LRMDA: variants seen among roughly 807,000 people sequenced by gnomAD.
LRMDA encodes the protein leucine rich melanocyte differentiation associated, also known as leucine-rich melanocyte differentiation-associated protein.
A neutral mutation model predicts 29.8 loss-of-function variants in LRMDA; 18 were observed. The observed-to-expected ratio is 0.60, with a 90% CI of 0.42 to 0.90. LRMDA has a LOEUF of 0.90. Ranked by LOEUF, LRMDA falls within the 40% of genes least tolerant of loss-of-function variation. The probability of loss-of-function intolerance (pLI) is 0.00; values close to 1 mark genes in which losing one functional copy is unlikely to be tolerated. For synonymous variants in LRMDA, 125 were observed against 109.4 expected (o/e 1.14, Z -0.89); for missense variants, 273 against 273.9 (o/e 1.00, Z 0.02).
chr10:76,503,366 C>G (rs1842930367), intron 6 of LRMDA, among the ~76,000 whole-genome samples: 1 of 151,730 alleles, frequency 6.6e-6, no homozygotes, highest in South Asian at 2.1e-4. Flanking sequence ...CCCCTCATCC[C>G]TGATTTTTTA....
rs192054697 is a variant in LRMDA, at chr10:76,246,512, T to C, written c.517-77889T>C. On this transcript the variant is annotated intron_variant, in intron 5 of 6. Transcript: ENST00000611255. Reference sequence around the variant, plus strand: ...AGGCAGATATTTTTGGAGCATGTCTTCCCTGGGGCAAGCAAGTGCTTGGAA... The same window carrying C: ...AGGCAGATATTTTTGGAGCATGTCTCCCCTGGGGCAAGCAAGTGCTTGGAA... Among the ~76,000 whole-genome samples the C allele has an allele frequency of 3.7e-3, 565 of 151,160 alleles. 2 individuals are homozygous for C. The highest frequency in any genetic ancestry group is 0.013 in the African/African-American group (521 of 41,212).
chr10:76,049,202 C>T (rs1848491139), intron 4 of LRMDA, among the ~76,000 whole-genome samples: 1 of 152,200 alleles, frequency 6.6e-6, no homozygotes, highest in Non-Finnish European at 1.5e-5. Context: ...ATCCTCCCCA[C>T]TCCAGTTCTG....
chr10:76,350,864 C>T lies in LRMDA; in HGVS notation c.601+26379C>T, dbSNP rs564608103. Among the ~76,000 whole-genome samples, 114 of 152,126 alleles carry T rather than the reference C, an allele frequency of 7.5e-4. 1 individual carries two copies. The highest frequency in any genetic ancestry group is 2.5e-3 in the African/African-American group (104 of 41,520). ...AAGAAGATAAACTCTCTGTCCATTCCGAGTATAAATGGGCACTTGAGATGA... is the reference window on the plus strand; with the variant it reads ...AAGAAGATAAACTCTCTGTCCATTCTGAGTATAAATGGGCACTTGAGATGA... On this transcript the variant is annotated intron_variant, in intron 6 of 6. Coordinates refer to ENST00000611255, the MANE Select transcript of LRMDA (RefSeq NM_001305581.2).
At chr10:76,171,166 A>T (rs1266005444) in intron 5 of LRMDA, among the ~76,000 whole-genome samples, 1 of 152,208 alleles carries the variant, frequency 6.6e-6, no homozygotes. Flanking sequence ...GGGATAAGTC[A>T]TCTGGCTCTT....
chr10:75,622,401 C>T (rs1841200630), intron 2 of LRMDA, among the ~76,000 whole-genome samples: 1 of 152,174 alleles, frequency 6.6e-6, no homozygotes, highest in South Asian at 2.1e-4. Flanking sequence ...TATCTTCTTT[C>T]TCCTATTTCC....
At chr10:75,735,201 T>A (rs892718388) in intron 2 of LRMDA, among the ~76,000 whole-genome samples, 2 of 152,194 alleles carry the variant, frequency 1.3e-5, no homozygotes, top group Non-Finnish European at 2.9e-5. Context: ...GGTATTGTAA[T>A]GACCTTGGAA....
intron 5 of LRMDA, among the ~76,000 whole-genome samples, chr10:76,309,489 C>T (rs1287806802): frequency 6.6e-6 from 1 of 152,000 alleles, no homozygotes; most frequent in Non-Finnish European, 1.5e-5. Flanking sequence ...GGAGCAGACT[C>T]GAGCAGGCTT....
At chr10:75,581,857 A>G (rs1782384707) in intron 2 of LRMDA, among the ~76,000 whole-genome samples, 2 of 152,186 alleles carry the variant, frequency 1.3e-5, no homozygotes, top group Non-Finnish European at 2.9e-5. Flanking sequence ...TGGGTGCAGC[A>G]AACCACCATG....
chr10:76,020,196 C>T (rs1386405222), intron 2 of LRMDA, among the ~76,000 whole-genome samples: 1 of 152,234 alleles, frequency 6.6e-6, no homozygotes, highest in Non-Finnish European at 1.5e-5. Flanking sequence ...CCCTGCTTCT[C>T]TCAGCTGTCT....
chr10:76,050,707 G>A (rs936988506), intron 4 of LRMDA, among the ~76,000 whole-genome samples: 11 of 152,222 alleles, frequency 7.2e-5, no homozygotes, highest in Non-Finnish European at 1.0e-4. Context: ...AACCACTTTA[G>A]TGCCCCTTGT....
chr10:76,167,699 T>G (rs952090558), intron 5 of LRMDA, among the ~76,000 whole-genome samples: 2 of 152,204 alleles, frequency 1.3e-5, no homozygotes, highest in African/African-American at 4.8e-5. Flanking sequence ...TGCCTCCAGC[T>G]TTGTTCTTTT....
intron 2 of LRMDA, among the ~76,000 whole-genome samples, chr10:75,891,279 G>A (rs1053236712): frequency 2.0e-5 from 3 of 152,178 alleles, no homozygotes; most frequent in African/African-American, 7.2e-5. Context: ...GTGTCTTATA[G>A]CCCCTTGCTA....
chr10:76,145,999 T>C (rs1188596038), intron 5 of LRMDA, among the ~76,000 whole-genome samples: 8 of 151,348 alleles, frequency 5.3e-5, no homozygotes, highest in Non-Finnish European at 1.2e-4. Context: ...AGTTGAGCGG[T>C]TTTGAGTGAG....
intron 5 of LRMDA, among the ~76,000 whole-genome samples, chr10:76,069,514 A>G (rs1848841144): frequency 6.6e-6 from 1 of 152,172 alleles, no homozygotes; most frequent in African/African-American, 2.4e-5. Flanking sequence ...AAAATATGGC[A>G]GTAAATTTTG....
At chr10:76,449,407 C>T (rs1425661349) in intron 6 of LRMDA, among the ~76,000 whole-genome samples, 1 of 151,678 alleles carries the variant, frequency 6.6e-6, no homozygotes, top group Non-Finnish European at 1.5e-5. Context: ...TCTTCTTTTC[C>T]CAGATATTGC....
chr10:76,529,179 T>C (rs73276717), intron 6 of LRMDA, among the ~76,000 whole-genome samples: 8,187 of 152,242 alleles, frequency 0.054, 285 homozygotes, highest in African/African-American at 0.091. Flanking sequence ...TGTTACCTCC[T>C]GTGCTTTTGT....
intron 2 of LRMDA, among the ~76,000 whole-genome samples, chr10:75,493,783 C>T (rs1057233312): frequency 3.3e-5 from 5 of 152,092 alleles, no homozygotes; most frequent in South Asian, 2.1e-4. Flanking sequence ...GTCATAACTC[C>T]GGGGAGAAGA....
chr10:75,627,852 A>G (rs968151407), intron 2 of LRMDA, among the ~76,000 whole-genome samples: 7 of 152,244 alleles, frequency 4.6e-5, no homozygotes, highest in African/African-American at 1.4e-4. Context: ...ATGTAGTAAC[A>G]GTAAAGGCTT....
chr10:75,797,404 A>G (rs894877182), intron 2 of LRMDA, among the ~76,000 whole-genome samples: 2 of 152,134 alleles, frequency 1.3e-5, no homozygotes, highest in Non-Finnish European at 2.9e-5. Context: ...TTGAGGTACA[A>G]TTTGCATTAC....
Sources: allele counts gnomAD v4.1 joint callset (sites outside exome capture counted in the v4.1 genomes callset), GRCh38; gene constraint gnomAD v4.1.1; transcripts MANE v1.5; gene names NCBI Gene and HGNC (gene_info 2026-07-23, HGNC 2026-07-21).